The following THADA variants were observed in gnomAD, a reference collection of about 807,000 sequenced individuals.
THADA encodes tRNA (32-2'-O)-methyltransferase regulator THADA.
THADA carries 213 observed loss-of-function variants against 219.8 expected under a neutral mutation model. That is an observed-to-expected ratio of 0.97 (90% CI 0.87 to 1.09). The LOEUF (loss-of-function observed/expected upper bound fraction) is 1.09. Ranked by LOEUF, THADA falls within the 50% of genes least tolerant of loss-of-function variation. The probability of loss-of-function intolerance (pLI) is 0.00; values close to 1 mark genes in which losing one functional copy is unlikely to be tolerated. For synonymous variants in THADA, 1,018 were observed against 828.9 expected (o/e 1.23, Z -3.92); for missense variants, 2,956 against 2,311.3 (o/e 1.28, Z -5.72).
chr2:43,434,834 G>C (rs1679859924), intron 26 of THADA, among the ~76,000 whole-genome samples: 1 of 152,202 alleles, frequency 6.6e-6, no homozygotes, highest in Non-Finnish European at 1.5e-5. Flanking sequence ...TTGCAACAAG[G>C]CAAGGGGGTC....
chr2:43,364,324 C>T (rs540225900), intron 29 of THADA, among the ~76,000 whole-genome samples: 33 of 152,292 alleles, frequency 2.2e-4, no homozygotes, highest in Non-Finnish European at 2.6e-4. Flanking sequence ...ATTGACTTCT[C>T]CTAACTCAAA....
chr2:43,312,047 TAAAAAC>T (rs1677573536), intron 31 of THADA, among the ~76,000 whole-genome samples: 1 of 151,576 alleles, frequency 6.6e-6, no homozygotes, highest in Non-Finnish European at 1.5e-5. Context: ...AATAAAAAAT[TAAAAAC>T]AAAAACAGAA....
intron 28 of THADA, among the ~76,000 whole-genome samples, chr2:43,413,511 G>C (rs557423046): frequency 6.6e-6 from 1 of 152,112 alleles, no homozygotes; most frequent in African/African-American, 2.4e-5. Context: ...CCACAGATGA[G>C]GTTGCCTTAC....
At position 43,291,753 on chromosome 2, in the gene THADA, A is replaced by C; in HGVS notation, c.4953T>G (p.Ser1651Arg). ...IASNERSEIQ[S>R]VALRLASKVI... is the part of the protein sequence containing the mutation. ...CTTTGGAAGCAAGTCTCAGAGCTAC[A>C]CTCTGAATTTCAGATCTAGAAAAAT... The change falls in exon 34 of 38, where the codon AGT becomes AGG. Residue 1651 changes from serine (S) to arginine (R), a missense_variant. Coordinates refer to ENST00000405975, the MANE Select transcript of THADA (RefSeq NM_022065.5). The C allele has an allele frequency of 6.4e-7, 1 of 1,551,378 alleles. No homozygotes were observed. Among genetic ancestry groups the C allele is most frequent in the South Asian group, 1.2e-5 (1 of 83,682 alleles).
intron 26 of THADA, among the ~76,000 whole-genome samples, chr2:43,457,246 C>T (rs1313882841): frequency 6.6e-6 from 1 of 151,428 alleles, no homozygotes; most frequent in Non-Finnish European, 1.5e-5. Flanking sequence ...GCTACTCTCA[C>T]TCTCCTACTC....
chr2:43,414,127 C>T (rs1031060554), intron 28 of THADA, among the ~76,000 whole-genome samples: 1 of 152,116 alleles, frequency 6.6e-6, no homozygotes, highest in African/African-American at 2.4e-5. Flanking sequence ...TGTTTTTGAT[C>T]TACAGTTGGT....
At chr2:43,422,539 T>C (rs2104794251) in intron 28 of THADA, among the ~76,000 whole-genome samples, 1 of 152,334 alleles carries the variant, frequency 6.6e-6, no homozygotes, top group Non-Finnish European at 1.5e-5. Flanking sequence ...TCATGCTGCT[T>C]TCTCATGGTT....
rs1243864803 is a variant in THADA at position 43,497,264 on chromosome 2, T to C, written c.3744+1569A>G. Among the ~76,000 whole-genome samples the C allele has an allele frequency of 2.0e-5, 3 of 152,294 alleles. No homozygotes were observed. The East Asian group carries it at 5.8e-4, about 29-fold the overall frequency. On this transcript the variant is annotated intron_variant, in intron 25 of 37. Coordinates refer to ENST00000405975, the MANE Select transcript of THADA (RefSeq NM_022065.5). Reference sequence around the variant, plus strand: ...ATGTTTATTGCAGCACTATTTACAATAGCAAAGACATGGACCCAAACCAAA... The same window carrying C: ...ATGTTTATTGCAGCACTATTTACAACAGCAAAGACATGGACCCAAACCAAA...
At chr2:43,305,882 G>A (rs1676796069) in intron 31 of THADA, among the ~76,000 whole-genome samples, 1 of 151,912 alleles carries the variant, frequency 6.6e-6, no homozygotes, top group Admixed American at 6.6e-5. Flanking sequence ...ACTACTTCTG[G>A]TTTCCTTTCC....
intron 36 of THADA, among the ~76,000 whole-genome samples, chr2:43,252,477 A>G (rs1344407575): frequency 1.3e-5 from 2 of 152,228 alleles, no homozygotes; most frequent in South Asian, 2.1e-4. Context: ...ATAATGGGGT[A>G]TAACAGAGAG....
At chr2:43,535,168 C>CTTTTTTTTTTTTTTT (rs549879408) in intron 21 of THADA, among the ~76,000 whole-genome samples, 11 of 52,510 alleles carry the variant, frequency 2.1e-4, no homozygotes, top group East Asian at 1.3e-3. Flanking sequence ...ATCATTTGTC[C>CTTTTTTTTTTTTTTT]TTTTTTTTTT....
At chr2:43,514,618 T>TTA (rs1558887522) in intron 22 of THADA, among the ~76,000 whole-genome samples, 55 of 95,606 alleles carry the variant, frequency 5.8e-4, no homozygotes, top group African/African-American at 2.5e-3. Context: ...ATTTTATATA[T>TTA]TTTATATATA....
rs1347472487 is a variant in THADA at position 43,577,082 on chromosome 2, C to T, written c.977G>A (p.Gly326Asp). The T allele has an allele frequency of 1.9e-6, 3 of 1,613,536 alleles. No individual in the cohort carries two copies. Among genetic ancestry groups the T allele is most frequent in the East Asian group, 2.2e-5 (1 of 44,882 alleles). The change falls in exon 10 of 38, where the codon GGT becomes GAT. Residue 326 changes from glycine (G) to aspartate (D), a missense_variant. Transcript: ENST00000405975. ...AMLDWQNGSM[G>D]RSGEALLLDT... ...CAAGAGCAGGGCCTCCCCACTCCGA[C>T]CCATGCTTCCGTTCTGCCAGTCCAA...
chr2:43,576,329 T>A (rs17031076), intron 10 of THADA, among the ~76,000 whole-genome samples: 4,459 of 152,308 alleles, frequency 0.029, 213 homozygotes, highest in African/African-American at 0.1. Context: ...TCAGCCATTA[T>A]GGCAAAAACA....
At chr2:43,472,894 G>A (rs1685073212) in intron 26 of THADA, among the ~76,000 whole-genome samples, 1 of 152,104 alleles carries the variant, frequency 6.6e-6, no homozygotes, top group African/African-American at 2.4e-5. Context: ...CATAGAAAAA[G>A]AATAAAATAT....
chr2:43,536,647 G>A (rs1391076493), intron 21 of THADA, among the ~76,000 whole-genome samples: 3 of 151,928 alleles, frequency 2.0e-5, no homozygotes, highest in Non-Finnish European at 4.4e-5. Context: ...CATGTTTCCA[G>A]GCAGGTATAA....
intron 29 of THADA, among the ~76,000 whole-genome samples, chr2:43,385,372 C>T (rs1315348258): frequency 2.0e-5 from 3 of 151,688 alleles, no homozygotes; most frequent in African/African-American, 4.8e-5. Flanking sequence ...TTTGGGAGGC[C>T]GAGGCAGGCG....
intron 8 of THADA, 87 bp from the exon 9 acceptor site, chr2:43,578,694 G>C (rs187882509): frequency 1.1e-6 from 1 of 875,318 alleles, no homozygotes; most frequent in African/African-American, 1.7e-5. Context: ...AGCCAGATAG[G>C]CCTGGGTACA....
At chr2:43,425,446 A>ATGTGTGTATG (rs1678296648) in intron 28 of THADA, among the ~76,000 whole-genome samples, 1 of 140,410 alleles carries the variant, frequency 7.1e-6, no homozygotes, top group Admixed American at 7.2e-5. Flanking sequence ...TTAAAATTGT[A>ATGTGTGTATG]TGTGTGTGTG....
Sources: allele counts gnomAD v4.1 joint callset (sites outside exome capture counted in the v4.1 genomes callset), GRCh38; gene constraint gnomAD v4.1.1; transcripts MANE v1.5; gene names NCBI Gene and HGNC (gene_info 2026-07-23, HGNC 2026-07-21).